The following DNAH14 variants were observed in gnomAD, a reference collection of about 807,000 sequenced individuals.
DNAH14 encodes the protein dynein axonemal heavy chain 14.
In DNAH14, 478 loss-of-function variants were observed where a neutral mutation model predicts 520.9. That is an observed-to-expected ratio of 0.92 (90% CI 0.85 to 0.99). DNAH14 has a LOEUF of 0.99. DNAH14 is among the 50% of genes least tolerant of loss of function. DNAH14 has a pLI of 0.00. For synonymous variants in DNAH14, 1,581 were observed against 1,757.2 expected (o/e 0.90, Z 2.51); for missense variants, 4,831 against 5,234.5 (o/e 0.92, Z 2.38).
intron 37 of DNAH14, among the ~76,000 whole-genome samples, chr1:225,185,866 C>A (rs768917813): frequency 4.3e-4 from 64 of 147,752 alleles, no homozygotes; most frequent in Non-Finnish European, 7.0e-4. Flanking sequence ...AATATTTATG[C>A]ATTTAATATG....
At chr1:225,230,098 T>A (rs1358626927) in intron 41 of DNAH14, among the ~76,000 whole-genome samples, 2 of 152,112 alleles carry the variant, frequency 1.3e-5, no homozygotes, top group Non-Finnish European at 2.9e-5. Flanking sequence ...TATCCTTTAT[T>A]CTAGGAATTT....
At chr1:225,257,157 G>A (rs1486230371) in intron 44 of DNAH14, among the ~76,000 whole-genome samples, 1 of 152,208 alleles carries the variant, frequency 6.6e-6, no homozygotes, top group Non-Finnish European at 1.5e-5. Context: ...AATACATCCA[G>A]TCCACCATAG....
chr1:225,362,553 C>T (rs993362355), intron 75 of DNAH14, among the ~76,000 whole-genome samples: 13 of 141,750 alleles, frequency 9.2e-5, no homozygotes, highest in African/African-American at 2.4e-4. Context: ...CCAGCCTGGG[C>T]AACTGAGGAA....
At chr1:225,202,032 T>C (rs1000437331) in intron 38 of DNAH14, among the ~76,000 whole-genome samples, 1 of 152,070 alleles carries the variant, frequency 6.6e-6, no homozygotes, top group Non-Finnish European at 1.5e-5. Context: ...CCTGCCATGA[T>C]GCCTGGCTAA....
chr1:225,168,625 G>T (rs12411172), intron 36 of DNAH14, among the ~76,000 whole-genome samples: 19,439 of 152,268 alleles, frequency 0.13, 1,396 homozygotes, highest in East Asian at 0.31. Context: ...TATTGCTGAG[G>T]CTTGAGCAGG....
intron 17 of DNAH14, among the ~76,000 whole-genome samples, chr1:225,057,056 C>T (rs2069206735): frequency 6.6e-6 from 1 of 152,104 alleles, no homozygotes; most frequent in Admixed American, 6.6e-5. Context: ...AGTTTTTTTC[C>T]AATTCTGTGA....
chr1:225,253,835 T>C (rs1029695208), intron 44 of DNAH14, among the ~76,000 whole-genome samples: 1 of 152,146 alleles, frequency 6.6e-6, no homozygotes, highest in Non-Finnish European at 1.5e-5. Context: ...ACCTCTTGCA[T>C]CAATACCCTG....
At chr1:225,355,178 G>A (rs1371378355) in intron 73 of DNAH14, among the ~76,000 whole-genome samples, 1 of 152,166 alleles carries the variant, frequency 6.6e-6, no homozygotes, top group Admixed American at 6.5e-5. Flanking sequence ...CAAGGACCCA[G>A]CAGATTCAGT....
At chr1:225,228,922 C>G (rs1349830160) in intron 41 of DNAH14, among the ~76,000 whole-genome samples, 1 of 152,116 alleles carries the variant, frequency 6.6e-6, no homozygotes, top group Non-Finnish European at 1.5e-5. Flanking sequence ...TACCCAGGGG[C>G]AAAGGGCGTA....
At position 225,054,236 on chromosome 1, in the gene DNAH14, C is replaced by CAT. The variant is rs934551432; in HGVS notation, c.2424+2443_2424+2444dup. Among the ~76,000 whole-genome samples, 20 of 152,304 alleles carry CAT rather than the reference C, an allele frequency of 1.3e-4. 1 individual carries two copies. Among genetic ancestry groups the CAT allele is most frequent in the African/African-American group, 4.6e-4 (19 of 41,564 alleles). On this transcript the variant is annotated intron_variant, in intron 17 of 85. Coordinates refer to ENST00000682510, the MANE Select transcript of DNAH14 (RefSeq NM_001367479.1). ...GTAGAAATATAAAAGCAGCTAATTACATACCCACCTTCTCTACCACAGACA... is the reference window on the plus strand; with the variant it reads ...GTAGAAATATAAAAGCAGCTAATTACATATACCCACCTTCTCTACCACAGACA...
intron 30 of DNAH14, among the ~76,000 whole-genome samples, chr1:225,146,223 C>T (rs530111767): frequency 1.6e-4 from 24 of 152,162 alleles, no homozygotes; most frequent in African/African-American, 5.5e-4. Flanking sequence ...TGCCCCCAAA[C>T]GTCCCATGAA....
chr1:225,103,156 A>C (rs3128668), intron 23 of DNAH14, among the ~76,000 whole-genome samples: 30,763 of 152,002 alleles, frequency 0.2, 6,461 homozygotes, highest in African/African-American at 0.53. Context: ...AATACTTTCC[A>C]CATTGCTTGT....
chr1:224,967,626 A>C (rs1331333093), intron 6 of DNAH14, 43 bp downstream of exon 6: 1 of 1,594,032 alleles, frequency 6.3e-7, no homozygotes, highest in South Asian at 1.2e-5. Flanking sequence ...ATTATATTAC[A>C]AAAATATTAT....
At chr1:225,004,242 A>C (rs1572392039) in intron 9 of DNAH14, among the ~76,000 whole-genome samples, 1 of 152,324 alleles carries the variant, frequency 6.6e-6, no homozygotes, top group East Asian at 1.9e-4. Flanking sequence ...TAAAAATGAA[A>C]ACTAATTCTA....
At chr1:225,007,134 T>A (rs944006579) in intron 9 of DNAH14, among the ~76,000 whole-genome samples, 1 of 152,226 alleles carries the variant, frequency 6.6e-6, no homozygotes, top group Non-Finnish European at 1.5e-5. Flanking sequence ...ATTCTCTGCA[T>A]GCATAAATGT....
Position 224,967,600 on chromosome 1 carries a change from G to A in DNAH14, c.651+17G>A. The stretch of plus-strand genomic sequence containing the variant: ...ATCTCAAAGGTAATGTTTAATGGAT[G>A]TTTTAAGCTTTCAGAATTATATTAC... On this transcript the variant is annotated intron_variant, in intron 6 of 85. Coordinates refer to ENST00000682510, the MANE Select transcript of DNAH14 (RefSeq NM_001367479.1). 2 of 1,594,928 alleles carry A rather than the reference G, an allele frequency of 1.3e-6. No individual in the cohort carries two copies. The highest frequency in any genetic ancestry group is 8.5e-7 in the Non-Finnish European group (1 of 1,174,102).
At chr1:225,199,344 G>T (rs1354055347) in intron 38 of DNAH14, among the ~76,000 whole-genome samples, 1 of 151,252 alleles carries the variant, frequency 6.6e-6, no homozygotes, top group Non-Finnish European at 1.5e-5. Flanking sequence ...ATTTATTTTT[G>T]CTCTGATCTC....
intron 27 of DNAH14, among the ~76,000 whole-genome samples, chr1:225,130,419 C>G (rs2078266107): frequency 6.6e-6 from 1 of 151,838 alleles, no homozygotes; most frequent in East Asian, 1.9e-4. Context: ...GGAACCAACC[C>G]AAATGTCCAA....
intron 30 of DNAH14, among the ~76,000 whole-genome samples, chr1:225,146,764 C>T (rs75163963): frequency 0.082 from 12,519 of 152,292 alleles, 1,665 homozygotes; most frequent in African/African-American, 0.28. Context: ...AAGACTCTGC[C>T]CCAGGGTGCA....
Sources: gnomAD v4.1 joint callset for allele counts (sites outside exome capture counted in the v4.1 genomes callset) on GRCh38, gnomAD v4.1.1 for gene constraint, MANE v1.5 for transcripts, NCBI Gene and HGNC (gene_info 2026-07-23, HGNC 2026-07-21) for gene names.